Variants in FLI1 observed in about 807,000 individuals in gnomAD.
FLI1 encodes Friend leukemia integration 1 transcription factor.
FLI1 carries 13 observed loss-of-function variants against 53.1 expected under a neutral mutation model. The ratio of observed to expected loss-of-function variants is 0.24; its 90% CI spans 0.16 to 0.39. The LOEUF (loss-of-function observed/expected upper bound fraction) is 0.39. Ranked by LOEUF, FLI1 falls within the 10% of genes least tolerant of loss-of-function variation. FLI1 has a pLI of 1.00. For synonymous variants in FLI1, 244 were observed against 236.7 expected (o/e 1.03, Z -0.28); for missense variants, 424 against 600.5 (o/e 0.71, Z 3.07).
At chr11:128,698,712 G>A (rs1323619101) in intron 1 of FLI1, among the ~76,000 whole-genome samples, 2 of 46,472 alleles carry the variant, frequency 4.3e-5, no homozygotes, top group Admixed American at 2.1e-4. Context: ...ATGTGTTTGC[G>A]TGTGTGTGTG....
chr11:128,761,660 G>C (rs1941127518), intron 2 of FLI1, among the ~76,000 whole-genome samples: 1 of 152,082 alleles, frequency 6.6e-6, no homozygotes, highest in South Asian at 2.1e-4. Flanking sequence ...TCCCTCCCCT[G>C]CTCTCAGAGA....
intron 1 of FLI1, among the ~76,000 whole-genome samples, chr11:128,732,775 C>A (rs938323616): frequency 1.3e-5 from 2 of 151,982 alleles, no homozygotes; most frequent in Non-Finnish European, 2.9e-5. Flanking sequence ...AACTAGTTAC[C>A]AAAAAAGAAA....
intron 1 of FLI1, among the ~76,000 whole-genome samples, chr11:128,717,096 C>T (rs986268877): frequency 6.6e-6 from 1 of 152,144 alleles, no homozygotes; most frequent in Admixed American, 6.5e-5. Flanking sequence ...GGCTTGGCTT[C>T]CGGGGCACAC....
At chr11:128,758,818 G>A (rs1042563290) in intron 2 of FLI1, among the ~76,000 whole-genome samples, 6 of 152,180 alleles carry the variant, frequency 3.9e-5, no homozygotes, top group Admixed American at 3.9e-4. Flanking sequence ...GAGGGGGCAG[G>A]CACCTGGAAG....
chr11:128,698,439 C>A (rs1421960812), intron 1 of FLI1, among the ~76,000 whole-genome samples: 1 of 152,138 alleles, frequency 6.6e-6, no homozygotes, highest in Non-Finnish European at 1.5e-5. Context: ...AGTTCCACTG[C>A]CATCCAAATT....
intron 1 of FLI1, among the ~76,000 whole-genome samples, chr11:128,700,990 C>T (rs1435993721): frequency 6.6e-6 from 1 of 152,216 alleles, no homozygotes; most frequent in Non-Finnish European, 1.5e-5. Flanking sequence ...TTCGTACTCT[C>T]TTCTCCTTAG....
At chr11:128,739,431 C>G (rs895758096) in intron 1 of FLI1, among the ~76,000 whole-genome samples, 3 of 152,228 alleles carry the variant, frequency 2.0e-5, no homozygotes, top group Admixed American at 1.3e-4. Flanking sequence ...CCTCAACCCC[C>G]CTGCCCCACC....
upstream of FLI1, chr11:128,686,051 C>T (rs1367233311): frequency 3.3e-6 from 1 of 306,876 alleles, no homozygotes; most frequent in Non-Finnish European, 6.6e-6. Context: ...CACAGACCTC[C>T]CTAACCTTGC....
chr11:128,799,046 A>ATTTT (rs759935387), intron 5 of FLI1, among the ~76,000 whole-genome samples: 32 of 135,806 alleles, frequency 2.4e-4, no homozygotes, highest in African/African-American at 8.6e-4. Flanking sequence ...TATTATTATT[A>ATTTT]TTATTATTTT....
chr11:128,700,208 T>C (rs1181848220), intron 1 of FLI1, among the ~76,000 whole-genome samples: 1 of 152,210 alleles, frequency 6.6e-6, no homozygotes, highest in Non-Finnish European at 1.5e-5. Flanking sequence ...CACTCTTGCA[T>C]CCCATTCTCA....
Position 128,806,981 on chromosome 11 carries a change from T to C in FLI1, c.722-199T>C, listed in dbSNP as rs558076639. 30 of 398,016 alleles carry C rather than the reference T, an allele frequency of 7.5e-5. No individual in the cohort carries two copies. In the South Asian group the frequency reaches 3.2e-3, roughly 43 times the overall value. The allele number at this position is 398,016 out of a possible 1,614,324, so 24.7% of individuals were successfully genotyped here. On this transcript the variant is annotated intron_variant, in intron 6 of 8. Transcript: ENST00000527786. ...AATGCGAGTTCTACCAGGAACTGCT[T>C]GTTCATTCCTGAATCTCCAGCCTGG...
At chr11:128,781,910 T>C in intron 4 of FLI1, 48 bp from the exon 5 acceptor site, 7 of 1,457,044 alleles carry the variant, frequency 4.8e-6, no homozygotes, top group Non-Finnish European at 6.7e-6. Flanking sequence ...CTACTCTTGA[T>C]CTCAGAAGAA....
At chr11:128,701,349 A>C (rs1938325252) in intron 1 of FLI1, among the ~76,000 whole-genome samples, 1 of 152,188 alleles carries the variant, frequency 6.6e-6, no homozygotes, top group Non-Finnish European at 1.5e-5. Flanking sequence ...AGTCTCTCTA[A>C]AACTCAAATC....
At chr11:128,789,801 C>G (rs1415931551) in intron 5 of FLI1, among the ~76,000 whole-genome samples, 1 of 151,948 alleles carries the variant, frequency 6.6e-6, no homozygotes. Flanking sequence ...CATGTGTACC[C>G]AAAGGAAAAG....
At chr11:128,748,122 C>T (rs1940483245) in intron 1 of FLI1, 1 of 262,452 alleles carries the variant, frequency 3.8e-6, no homozygotes, top group African/African-American at 2.3e-5. Context: ...GGGTACAGTC[C>T]TGGGAGGATG....
At chr11:128,688,563 G>GGCCCAGGC (rs1396053151) in intron 1 of FLI1, among the ~76,000 whole-genome samples, 1 of 152,166 alleles carries the variant, frequency 6.6e-6, no homozygotes, top group African/African-American at 2.4e-5. Context: ...AAACACCGCA[G>GGCCCAGGC]GCCCAGGCGC....
chr11:128,723,196 G>A (rs1939328360), intron 1 of FLI1, among the ~76,000 whole-genome samples: 1 of 152,136 alleles, frequency 6.6e-6, no homozygotes, highest in Non-Finnish European at 1.5e-5. Flanking sequence ...AGTCTGGGGA[G>A]GGACACAAAC....
chr11:128,700,630 T>C (rs1443165815), intron 1 of FLI1, among the ~76,000 whole-genome samples: 1 of 152,154 alleles, frequency 6.6e-6, no homozygotes, highest in African/African-American at 2.4e-5. Context: ...TCCCAGTTCT[T>C]TGGGAGACGG....
chr11:128,804,574 G>C (rs1309501823), intron 5 of FLI1: 1 of 152,200 alleles, frequency 6.6e-6, no homozygotes, highest in Non-Finnish European at 1.5e-5. Context: ...CCTTAGTCAT[G>C]CCCAGGTGGG....
Sources: gnomAD v4.1 joint callset for allele counts (sites outside exome capture counted in the v4.1 genomes callset) on GRCh38, gnomAD v4.1.1 for gene constraint, MANE v1.5 for transcripts, NCBI Gene and HGNC (gene_info 2026-07-23, HGNC 2026-07-21) for gene names.